IQCJ: variants seen among roughly 807,000 people sequenced by gnomAD.
IQCJ encodes the protein IQ domain-containing protein J.
Under a neutral mutation model 11.0 loss-of-function variants are expected in IQCJ, and 9 were observed. The observed-to-expected ratio is 0.82, with a 90% CI of 0.49 to 1.43. The LOEUF (loss-of-function observed/expected upper bound fraction) is 1.43, where lower values mean the gene tolerates loss of function less well. Among genes scored for constraint, IQCJ ranks in the 40% most tolerant of loss-of-function variants. The pLI is 0.00. For synonymous variants in IQCJ, 55 were observed against 51.3 expected (o/e 1.07, Z -0.31); for missense variants, 146 against 133.2 (o/e 1.10, Z -0.47).
intron 1 of IQCJ, among the ~76,000 whole-genome samples, chr3:159,132,699 G>T (rs2108163923): frequency 6.6e-6 from 1 of 152,256 alleles, no homozygotes; most frequent in African/African-American, 2.4e-5. Flanking sequence ...GAAATTACTT[G>T]CTCATTTAGG....
At chr3:159,264,564 C>T (rs1232986406), downstream of IQCJ, among the ~76,000 whole-genome samples, 1 of 152,150 alleles carries the variant, frequency 6.6e-6, no homozygotes, top group Non-Finnish European at 1.5e-5. Context: ...CATCCTTTAG[C>T]TCTGTGCTCA....
intron 1 of IQCJ, among the ~76,000 whole-genome samples, chr3:159,225,259 A>C (rs1337504371): frequency 6.6e-6 from 1 of 152,206 alleles, no homozygotes; most frequent in Admixed American, 6.5e-5. Flanking sequence ...GACCTCCACA[A>C]AATTATGTGA....
chr3:159,138,742 T>C (rs934977398), intron 1 of IQCJ, among the ~76,000 whole-genome samples: 4 of 152,234 alleles, frequency 2.6e-5, no homozygotes, highest in African/African-American at 9.6e-5. Context: ...TCACTCTTGG[T>C]ATCTGAGCTC....
chr3:159,247,967 A>C (rs544579657), intron 2 of IQCJ, among the ~76,000 whole-genome samples: 1 of 152,312 alleles, frequency 6.6e-6, no homozygotes, highest in East Asian at 1.9e-4. Flanking sequence ...GTAGCTGATA[A>C]GATACTGGAA....
chr3:159,227,880 G>A (rs1451006260), intron 1 of IQCJ, among the ~76,000 whole-genome samples: 1 of 152,182 alleles, frequency 6.6e-6, no homozygotes, highest in Non-Finnish European at 1.5e-5. Context: ...TTAAGCATGA[G>A]TATTTCGCAT....
At chr3:159,164,574 C>T (rs1030491940) in intron 1 of IQCJ, among the ~76,000 whole-genome samples, 1 of 152,144 alleles carries the variant, frequency 6.6e-6, no homozygotes, top group Non-Finnish European at 1.5e-5. Flanking sequence ...TCGAGACCAG[C>T]CTAGTCAACA....
intron 1 of IQCJ, among the ~76,000 whole-genome samples, chr3:159,146,808 T>A (rs951605794): frequency 6.6e-6 from 1 of 152,220 alleles, no homozygotes; most frequent in Non-Finnish European, 1.5e-5. Flanking sequence ...CAGCTGTATC[T>A]CCTCACTGAT....
intron 1 of IQCJ, among the ~76,000 whole-genome samples, chr3:159,090,173 TG>T (rs1437961785): frequency 6.6e-6 from 1 of 151,782 alleles, no homozygotes; most frequent in East Asian, 1.9e-4. Flanking sequence ...GTTGGAGTAC[TG>T]GGCCCTGTGA....
chr3:159,229,981 T>C (rs1726149216), intron 1 of IQCJ, among the ~76,000 whole-genome samples: 2 of 149,200 alleles, frequency 1.3e-5, no homozygotes, highest in Non-Finnish European at 3.0e-5. Context: ...CATGGGTATA[T>C]TGGACCCAGT....
At chr3:159,077,769 A>T (rs145640262) in intron 1 of IQCJ, among the ~76,000 whole-genome samples, 166 of 152,236 alleles carry the variant, frequency 1.1e-3, no homozygotes, top group African/African-American at 3.6e-3. Context: ...ACCCTCTTTG[A>T]ATTTTAAAAC....
chr3:159,122,392 G>A (rs923864982), intron 1 of IQCJ, among the ~76,000 whole-genome samples: 2 of 152,146 alleles, frequency 1.3e-5, no homozygotes, highest in South Asian at 2.1e-4. Flanking sequence ...ATGAGACTTC[G>A]TTGACAAGGG....
chr3:159,114,770 G>C (rs1216797715), intron 1 of IQCJ, among the ~76,000 whole-genome samples: 1 of 152,094 alleles, frequency 6.6e-6, no homozygotes, highest in Non-Finnish European at 1.5e-5. Flanking sequence ...AGCTGCTCCT[G>C]GTTTCCAAAC....
At chr3:159,071,599 T>C (rs956159586) in intron 1 of IQCJ, among the ~76,000 whole-genome samples, 1 of 152,118 alleles carries the variant, frequency 6.6e-6, no homozygotes, top group African/African-American at 2.4e-5. Context: ...TGAAGTCAAT[T>C]ATTTTGTTTG....
chr3:159,149,467 T>C (rs1721088129), intron 1 of IQCJ, among the ~76,000 whole-genome samples: 1 of 152,326 alleles, frequency 6.6e-6, no homozygotes, highest in South Asian at 2.1e-4. Flanking sequence ...TTTTTTTTCC[T>C]GTTCCAAATT....
chr3:159,245,990 A>G, intron 2 of IQCJ, 83 bp downstream of exon 2: 1 of 1,071,122 alleles, frequency 9.3e-7, no homozygotes, highest in African/African-American at 1.6e-5. Context: ...AAAATAAGTA[A>G]GTAAATTGGA....
chr3:159,165,677 G>C (rs1232767077), intron 1 of IQCJ, among the ~76,000 whole-genome samples: 1 of 150,266 alleles, frequency 6.7e-6, no homozygotes, highest in African/African-American at 2.5e-5. Flanking sequence ...GCAGTGGCTC[G>C]ACCTCGGCTC....
intron 1 of IQCJ, among the ~76,000 whole-genome samples, chr3:159,204,318 G>A (rs1023828839): frequency 2.6e-5 from 4 of 152,178 alleles, no homozygotes; most frequent in African/African-American, 9.7e-5. Flanking sequence ...TTTTAGTGGG[G>A]CCATATATCT....
intron 1 of IQCJ, among the ~76,000 whole-genome samples, chr3:159,196,225 T>C (rs1723974966): frequency 6.6e-6 from 1 of 152,202 alleles, no homozygotes; most frequent in Non-Finnish European, 1.5e-5. Flanking sequence ...TAGCAAATGG[T>C]AGCTATTATT....
intron 3 of IQCJ, among the ~76,000 whole-genome samples, chr3:159,261,616 C>A (rs921931708): frequency 6.6e-6 from 1 of 152,188 alleles, no homozygotes; most frequent in Non-Finnish European, 1.5e-5. Flanking sequence ...GAGACCTCCC[C>A]AGCCATGCAG....
Sources: allele counts gnomAD v4.1 joint callset (sites outside exome capture counted in the v4.1 genomes callset), GRCh38; gene constraint gnomAD v4.1.1; transcripts MANE v1.5; gene names NCBI Gene and HGNC (gene_info 2026-07-23, HGNC 2026-07-21).